The following ISY1 variants were observed in gnomAD, a reference collection of about 807,000 sequenced individuals.
ISY1 encodes pre-mRNA-splicing factor ISY1 homolog.
Under a neutral mutation model 54.4 loss-of-function variants are expected in ISY1, and 12 were observed. The ratio of observed to expected loss-of-function variants is 0.22; its 90% CI spans 0.14 to 0.36. The LOEUF (loss-of-function observed/expected upper bound fraction) is 0.36. Ranked by LOEUF, ISY1 falls within the 10% of genes least tolerant of loss-of-function variation. The pLI, the probability that ISY1 is intolerant of heterozygous loss-of-function variation, is 1.00. For missense variants in ISY1, 282 were observed against 342.2 expected, an observed-to-expected ratio of 0.82 and a Z score of 1.39; for synonymous variants, 96 against 117.9, an observed-to-expected ratio of 0.81 and a Z score of 1.20.
At chr3:129,157,684 G>A (rs1339652571) in intron 3 of ISY1, among the ~76,000 whole-genome samples, 1 of 133,694 alleles carries the variant, frequency 7.5e-6, no homozygotes, top group African/African-American at 2.8e-5. Context: ...TCACGCCACT[G>A]CACTCCAGCC....
Position 129,134,946 on chromosome 3 carries a change from G to A in ISY1, c.427C>T (p.Pro143Ser), listed in dbSNP as rs767239046. The A allele has an allele frequency of 3.5e-5, 57 of 1,605,840 alleles. No individual in the cohort carries two copies. The highest frequency in any genetic ancestry group is 4.8e-5 in the Non-Finnish European group (56 of 1,175,606). ...RELFEKEPLP[P>S]PRKTRAELMK... Reference sequence around the variant, plus strand: ...AGCTCAGCACGTGTCTTTCTGGGAGGAGGAAGAGCTATAAGAAACAGAAAT... The same window carrying A: ...AGCTCAGCACGTGTCTTTCTGGGAGAAGGAAGAGCTATAAGAAACAGAAAT... Residue 143 changes from proline (P) to serine (S), a missense_variant, in exon 8 of 11, where the codon CCT becomes TCT. Coordinates refer to ENST00000393295, the MANE Select transcript of ISY1 (RefSeq NM_020701.4).
chr3:129,148,813 C>T (rs1576885207), intron 5 of ISY1, among the ~76,000 whole-genome samples: 1 of 152,208 alleles, frequency 6.6e-6, no homozygotes, highest in East Asian at 1.9e-4. Flanking sequence ...AAGTGATCCA[C>T]CCATCTCGGC....
chr3:129,134,264 G>C, intron 8 of ISY1, 69 bp from the exon 9 acceptor site: 1 of 1,605,126 alleles, frequency 6.2e-7, no homozygotes, highest in Non-Finnish European at 8.5e-7. Context: ...TGCAGGGAAA[G>C]GCCAACACTA....
chr3:129,141,856 G>A (rs972853972), intron 6 of ISY1, among the ~76,000 whole-genome samples: 2 of 151,950 alleles, frequency 1.3e-5, no homozygotes, highest in African/African-American at 4.8e-5. Flanking sequence ...CAACCTATAT[G>A]ACAATTAGTG....
rs561546494 is a variant in ISY1, at chr3:129,159,015, T to C, written c.26+139A>G. Reference sequence around the variant, plus strand: ...GGGCAAAAACAGGAATGTTTTTGCATATGTAAGAACATAACATATGTAAAG... The same window carrying C: ...GGGCAAAAACAGGAATGTTTTTGCACATGTAAGAACATAACATATGTAAAG... On this transcript the variant is annotated intron_variant, in intron 2 of 10. Transcript: ENST00000393295. 4.4e-6 allele frequency: 5 copies of C among 1,132,860 alleles called. No individual in the cohort carries two copies. In the African/African-American group the frequency reaches 6.3e-5, roughly 14 times the overall value. 70.2% of individuals were successfully genotyped at this position (1,132,860 alleles called of 1,614,324 possible). A position where few individuals can be genotyped will look rare whatever the true frequency, so the allele number is the denominator to read the frequency against.
In ISY1 at chr3:129,129,367, G is replaced by A. The variant is rs1218512449; in HGVS notation, c.*714C>T. 1 of 151,076 alleles carries A rather than the reference G, an allele frequency of 6.6e-6. No individual in the cohort carries two copies. The highest frequency in any genetic ancestry group is 1.5e-5 in the Non-Finnish European group (1 of 67,888). 9.4% of individuals were successfully genotyped at this position (151,076 alleles called of 1,614,324 possible). A position where few individuals can be genotyped will look rare whatever the true frequency, so the allele number is the denominator to read the frequency against. On this transcript the variant is annotated 3_prime_UTR_variant, in exon 11 of 11. Transcript: ENST00000393295. Reference sequence around the variant, plus strand: ...ACCTGGTCATTGACTTGTGGGTTGCGTGCATCTTTTTTTTTTTTTTTTTTT... The same window carrying A: ...ACCTGGTCATTGACTTGTGGGTTGCATGCATCTTTTTTTTTTTTTTTTTTT...
chr3:129,143,275 G>C (rs916751260), intron 6 of ISY1, among the ~76,000 whole-genome samples: 1 of 151,740 alleles, frequency 6.6e-6, no homozygotes, highest in Non-Finnish European at 1.5e-5. Flanking sequence ...GGGAGACCAA[G>C]GCGGACAGAT....
In ISY1 at chr3:129,128,126, G is replaced by C. The variant is rs906506512; in HGVS notation, c.*1955C>G. On this transcript the variant is annotated 3_prime_UTR_variant, in exon 11 of 11. Transcript: ENST00000393295. ...ACTCCTTGACTTCAAAGTATGGAAG[G>C]TGAGGCTGGGCCCAGAGGGTCTTGC... is the stretch of plus-strand genomic sequence containing the variant. The C allele has an allele frequency of 1.9e-4, 29 of 152,696 alleles. No homozygotes were observed. The highest frequency in any genetic ancestry group is 6.5e-4 in the African/African-American group (27 of 41,552). 9.5% of individuals were successfully genotyped at this position (152,696 alleles called of 1,614,324 possible).
chr3:129,158,228 C>T (rs911553935), intron 3 of ISY1, among the ~76,000 whole-genome samples: 4 of 150,270 alleles, frequency 2.7e-5, no homozygotes, highest in Middle Eastern at 3.4e-3. Context: ...ATCATGGCTC[C>T]CTGCAGTGTA....
At chr3:129,134,036 A>G (rs746605008) in intron 9 of ISY1, 38 bp downstream of exon 9, 17 of 1,612,684 alleles carry the variant, frequency 1.1e-5, no homozygotes, top group Middle Eastern at 1.8e-4. Context: ...GGCTTGGAAC[A>G]GATGGCAGTG....
chr3:129,129,832 A>G lies in ISY1; in HGVS notation c.*249T>C. On this transcript the variant is annotated 3_prime_UTR_variant, in exon 11 of 11. Transcript: ENST00000393295. The stretch of plus-strand genomic sequence containing the variant: ...AAGTCAAAATAAGACACAGGCAGCC[A>G]GTTCGCAACCTGTTGTATACACTCC... 2.8e-6 allele frequency: 1 copy of G among 354,812 alleles called. No individual in the cohort carries two copies. The highest frequency in any genetic ancestry group is 5.0e-6 in the Non-Finnish European group (1 of 198,804). 22.0% of individuals were successfully genotyped at this position (354,812 alleles called of 1,614,324 possible). A position where few individuals can be genotyped will look rare whatever the true frequency, so the allele number is the denominator to read the frequency against.
Position 129,134,892 on chromosome 3 carries a change from C to A in ISY1, c.481G>T (p.Gly161Cys). ...LMKAIDFEYY[G>C]YLDEDDGVIV... ...ACACCATCATCTTCATCTAGGTAAC[C>A]ATAGTACTCAAAATCGATTGCCTTC... The change falls in exon 8 of 11, where the codon GGT becomes TGT. Residue 161 changes from glycine (G) to cysteine (C), a missense_variant. Physicochemically the swap from Gly to Cys is radical, Grantham distance 159 (BLOSUM62 -3). Around this residue, in one of 2 missense-constraint regions of ISY1, gnomAD observed 279 missense variants for 323.6 expected, o/e 0.86. Coordinates refer to ENST00000393295, the MANE Select transcript of ISY1 (RefSeq NM_020701.4). The A allele has an allele frequency of 6.2e-7, 1 of 1,611,650 alleles. No individual in the cohort carries two copies.
At chr3:129,159,267 T>C in intron 1 of ISY1, 91 bp from the exon 2 acceptor site, 2 of 1,529,202 alleles carry the variant, frequency 1.3e-6, no homozygotes, top group Non-Finnish European at 1.8e-6. Context: ...TTTACAAGAA[T>C]ACAATCACAA....
intron 3 of ISY1, 111 bp from the exon 4 acceptor site, chr3:129,157,031 G>C: frequency 8.2e-7 from 1 of 1,215,404 alleles, no homozygotes. Context: ...AAAAACATTT[G>C]AAGTTTTCAT....
At chr3:129,147,290 T>C (rs566469012) in intron 5 of ISY1, among the ~76,000 whole-genome samples, 10 of 151,602 alleles carry the variant, frequency 6.6e-5, no homozygotes, top group Non-Finnish European at 1.2e-4. Context: ...GGTAGCAGAA[T>C]AGCTTGAGCC....
At chr3:129,130,258 AG>A in intron 10 of ISY1, 70 bp from the exon 11 acceptor site, 1 of 1,514,672 alleles carries the variant, frequency 6.6e-7, no homozygotes, top group Non-Finnish European at 8.8e-7. Flanking sequence ...CCCAGCCAGG[AG>A]GAAGTCCCCG....
At chr3:129,137,829 G>A (rs1220499408) in intron 7 of ISY1, among the ~76,000 whole-genome samples, 3 of 145,204 alleles carry the variant, frequency 2.1e-5, no homozygotes, top group Non-Finnish European at 3.0e-5. Context: ...GGAGAATGGC[G>A]TAAACCCGGG....
intron 5 of ISY1, among the ~76,000 whole-genome samples, chr3:129,154,389 G>A (rs1189128153): frequency 5.2e-5 from 7 of 133,846 alleles, no homozygotes; most frequent in Non-Finnish European, 9.2e-5. Flanking sequence ...GCAGTGAGCC[G>A]AGAACTCGCC....
At chr3:129,150,250 T>C (rs1576887016) in intron 5 of ISY1, among the ~76,000 whole-genome samples, 2 of 152,304 alleles carry the variant, frequency 1.3e-5, no homozygotes, top group East Asian at 3.9e-4. Flanking sequence ...TGTTAGAATT[T>C]TGATTGTGAT....
Sources: gnomAD v4.1 joint callset for allele counts (sites outside exome capture counted in the v4.1 genomes callset) on GRCh38, gnomAD v4.1.1 for gene constraint, gnomAD v4.1.1 regional missense constraint, MANE v1.5 for transcripts, NCBI Gene and HGNC (gene_info 2026-07-23, HGNC 2026-07-21) for gene names.